Variants in PDE4D observed in about 807,000 individuals in gnomAD.
The protein encoded by PDE4D is 3',5'-cyclic-AMP phosphodiesterase 4D.
Under a neutral mutation model 87.4 loss-of-function variants are expected in PDE4D, and 24 were observed. The observed-to-expected ratio is 0.27, with a 90% CI of 0.20 to 0.39. The LOEUF (loss-of-function observed/expected upper bound fraction) is 0.39. Among genes scored for constraint, PDE4D ranks in the 10% least tolerant of loss-of-function variants. The probability of loss-of-function intolerance (pLI) is 1.00; values close to 1 mark genes in which losing one functional copy is unlikely to be tolerated. For missense variants in PDE4D, 714 were observed against 1,041.0 expected (o/e 0.69, Z 4.32); for synonymous variants, 384 against 383.2 (o/e 1.00, Z -0.02).
intron 1 of PDE4D, among the ~76,000 whole-genome samples, chr5:59,343,739 C>T (rs144334044): frequency 1.8e-3 from 279 of 152,108 alleles, no homozygotes; most frequent in African/African-American, 6.6e-3. Flanking sequence ...TTTCTCATAC[C>T]TCCATAATGT....
At chr5:60,356,882 T>G (rs1759667478) in intron 1 of PDE4D, among the ~76,000 whole-genome samples, 1 of 152,198 alleles carries the variant, frequency 6.6e-6, no homozygotes, top group Admixed American at 6.5e-5. Context: ...TGTCTGGCTG[T>G]GCTGGCAGGG....
intron 1 of PDE4D, among the ~76,000 whole-genome samples, chr5:59,763,788 C>G (rs1485325075): frequency 6.6e-6 from 1 of 152,150 alleles, no homozygotes; most frequent in Non-Finnish European, 1.5e-5. Context: ...TTAGTAAAAG[C>G]AGTCAAACAG....
chr5:59,112,255 G>A (rs1233152068), intron 5 of PDE4D, among the ~76,000 whole-genome samples: 1 of 152,202 alleles, frequency 6.6e-6, no homozygotes. Context: ...ATGGGCTGGA[G>A]CTGAGTGAAT....
At chr5:59,605,935 A>G (rs1052481351) in intron 1 of PDE4D, among the ~76,000 whole-genome samples, 6 of 152,118 alleles carry the variant, frequency 3.9e-5, no homozygotes, top group Non-Finnish European at 7.4e-5. Flanking sequence ...ACTTTATTAC[A>G]GATAGATCCA....
At chr5:60,431,666 G>A (rs1007041292) in intron 1 of PDE4D, among the ~76,000 whole-genome samples, 5 of 137,170 alleles carry the variant, frequency 3.6e-5, no homozygotes, top group Non-Finnish European at 8.6e-5. Flanking sequence ...CTTCCCAGAC[G>A]GGGTGGCAGC....
chr5:59,479,922 G>T (rs879352205), intron 1 of PDE4D, among the ~76,000 whole-genome samples: 1 of 151,902 alleles, frequency 6.6e-6, no homozygotes, highest in Non-Finnish European at 1.5e-5. Context: ...CATATATCTT[G>T]TAAATTCAGA....
intron 6 of PDE4D, among the ~76,000 whole-genome samples, chr5:59,023,664 A>G (rs1755658136): frequency 6.6e-6 from 1 of 152,038 alleles, no homozygotes; most frequent in Non-Finnish European, 1.5e-5. Flanking sequence ...TCCAAAAACA[A>G]AACAAAACAA....
chr5:59,827,533 A>C (rs1770468092), intron 1 of PDE4D, among the ~76,000 whole-genome samples: 1 of 152,168 alleles, frequency 6.6e-6, no homozygotes, highest in Non-Finnish European at 1.5e-5. Context: ...ATGTCTGTTT[A>C]CACGTTTCAC....
intron 1 of PDE4D, among the ~76,000 whole-genome samples, chr5:59,742,451 G>A (rs563123951): frequency 1.3e-5 from 2 of 152,270 alleles, no homozygotes; most frequent in African/African-American, 4.8e-5. Context: ...TACTATTCAT[G>A]CATGTTATTT....
chr5:59,108,746 G>A (rs989620887), intron 5 of PDE4D, among the ~76,000 whole-genome samples: 6 of 151,458 alleles, frequency 4.0e-5, no homozygotes, highest in Admixed American at 1.3e-4. Context: ...ATACAACAAC[G>A]ACAAAAAATT....
Position 60,320,469 on chromosome 5 carries a change from G to A in PDE4D, c.-89-134782C>T, listed in dbSNP as rs113756454. 4.4e-3 allele frequency among the ~76,000 whole-genome samples: 677 copies of A among 152,204 alleles called. 21 individuals are homozygous for A. The East Asian group carries it at 0.057, about 13-fold the overall frequency. On this transcript the variant is annotated intron_variant, in intron 1 of 16. Transcript: ENST00000502484. ...CCTCGCCCTGCTTTGGCTCACACTCGGTGCACTGCACCCACTGTCCTGCAC... is the reference window on the plus strand; with the variant it reads ...CCTCGCCCTGCTTTGGCTCACACTCAGTGCACTGCACCCACTGTCCTGCAC...
At chr5:60,166,827 T>G (rs1205247383) in intron 2 of PDE4D, among the ~76,000 whole-genome samples, 1 of 152,236 alleles carries the variant, frequency 6.6e-6, no homozygotes, top group Non-Finnish European at 1.5e-5. Flanking sequence ...TATAGCATTC[T>G]TGGCTGGCAT....
intron 1 of PDE4D, among the ~76,000 whole-genome samples, chr5:59,644,533 T>C (rs1742135268): frequency 6.6e-6 from 1 of 152,194 alleles, no homozygotes; most frequent in African/African-American, 2.4e-5. Context: ...TCCTGAATTA[T>C]GGTCCCACAG....
intron 1 of PDE4D, among the ~76,000 whole-genome samples, chr5:60,250,866 T>C (rs1259722051): frequency 2.0e-5 from 3 of 151,974 alleles, no homozygotes; most frequent in African/African-American, 2.4e-5. Flanking sequence ...GAAGGCATGG[T>C]CATCAGAGAC....
chr5:59,294,233 G>A (rs968919298), intron 1 of PDE4D, among the ~76,000 whole-genome samples: 2 of 152,096 alleles, frequency 1.3e-5, no homozygotes, highest in African/African-American at 4.8e-5. Context: ...GGAATGAAGA[G>A]TAAAACTCTT....
chr5:60,054,413 C>T (rs1369020459), intron 2 of PDE4D, among the ~76,000 whole-genome samples: 1 of 152,144 alleles, frequency 6.6e-6, no homozygotes, highest in African/African-American at 2.4e-5. Flanking sequence ...CCATCATTCT[C>T]AGCAAGCTAA....
At chr5:60,051,988 C>G (rs981760135) in intron 2 of PDE4D, among the ~76,000 whole-genome samples, 1 of 152,082 alleles carries the variant, frequency 6.6e-6, no homozygotes, top group African/African-American at 2.4e-5. Flanking sequence ...AAGACTAAAT[C>G]AGGAAGAAAT....
chr5:60,380,908 A>G (rs1761811806), intron 1 of PDE4D, among the ~76,000 whole-genome samples: 1 of 152,176 alleles, frequency 6.6e-6, no homozygotes, highest in Non-Finnish European at 1.5e-5. Flanking sequence ...TGTGCTCTGA[A>G]TTTTCCCAGT....
intron 1 of PDE4D, among the ~76,000 whole-genome samples, chr5:59,683,926 TAA>T (rs1749443804): frequency 6.6e-6 from 1 of 152,196 alleles, no homozygotes; most frequent in Non-Finnish European, 1.5e-5. Context: ...GCTCATAGAA[TAA>T]AGTCCAAACT....
Sources: allele counts gnomAD v4.1 joint callset (sites outside exome capture counted in the v4.1 genomes callset), GRCh38; gene constraint gnomAD v4.1.1; transcripts MANE v1.5; gene names NCBI Gene and HGNC (gene_info 2026-07-23, HGNC 2026-07-21).